The following NBEA variants were observed in gnomAD, a reference collection of about 807,000 sequenced individuals.
NBEA encodes the protein neurobeachin.
Under a neutral mutation model 343.4 loss-of-function variants are expected in NBEA, and 44 were observed. The ratio of observed to expected loss-of-function variants is 0.13; its 90% confidence interval spans 0.10 to 0.16. The LOEUF (loss-of-function observed/expected upper bound fraction) is 0.16. NBEA is among the 10% of genes least tolerant of loss of function. NBEA has a pLI of 1.00. For synonymous variants in NBEA, 1,175 were observed against 1,238.7 expected, an observed-to-expected ratio of 0.95 and a Z score of 1.08; for missense variants, 2,555 against 3,631.3, an observed-to-expected ratio of 0.70 and a Z score of 7.62.
chr13:35,042,620 A>C (rs1344702648), intron 2 of NBEA, among the ~76,000 whole-genome samples: 2 of 151,854 alleles, frequency 1.3e-5, no homozygotes, highest in African/African-American at 4.8e-5. Context: ...ATAGAAGTTC[A>C]TATCTTGACA....
At chr13:35,357,130 A>G (rs534316793) in intron 38 of NBEA, among the ~76,000 whole-genome samples, 1 of 152,224 alleles carries the variant, frequency 6.6e-6, no homozygotes, top group South Asian at 2.1e-4. Context: ...GAAAATTTCC[A>G]TACACATGTA....
chr13:35,077,095 T>C (rs1249687930), intron 10 of NBEA, among the ~76,000 whole-genome samples: 1 of 152,040 alleles, frequency 6.6e-6, no homozygotes, highest in African/African-American at 2.4e-5. Flanking sequence ...GACCATAACA[T>C]GTAATGAATG....
chr13:35,412,874 A>G (rs1330736951), intron 38 of NBEA, among the ~76,000 whole-genome samples: 1 of 152,172 alleles, frequency 6.6e-6, no homozygotes, highest in Non-Finnish European at 1.5e-5. Context: ...GATCTTGGGC[A>G]CATTACTTAA....
intron 36 of NBEA, among the ~76,000 whole-genome samples, chr13:35,335,881 T>G (rs950722464): frequency 6.6e-6 from 1 of 152,038 alleles, no homozygotes; most frequent in Non-Finnish European, 1.5e-5. Context: ...GGGGGCTACA[T>G]GCATCCTCTG....
chr13:35,221,342 CA>C (rs35904333), intron 33 of NBEA, among the ~76,000 whole-genome samples: 24 of 137,652 alleles, frequency 1.7e-4, no homozygotes, highest in South Asian at 2.3e-4. Flanking sequence ...GACACTATTT[CA>C]AAAAAAAAAA....
chr13:35,167,955 A>G (rs1257697871), intron 24 of NBEA, among the ~76,000 whole-genome samples: 1 of 151,866 alleles, frequency 6.6e-6, no homozygotes, highest in African/African-American at 2.4e-5. Context: ...GAAAAATAGT[A>G]GAGACTGACA....
intron 11 of NBEA, among the ~76,000 whole-genome samples, chr13:35,098,968 C>T (rs1376252687): frequency 1.3e-5 from 2 of 151,430 alleles, no homozygotes; most frequent in Admixed American, 6.6e-5. Context: ...TTGGAACTAT[C>T]GCGTCAGGAT....
intron 17 of NBEA, among the ~76,000 whole-genome samples, chr13:35,137,385 G>A (rs1248879732): frequency 1.3e-5 from 2 of 151,628 alleles, no homozygotes; most frequent in African/African-American, 2.4e-5. Context: ...AGGAGGCGGA[G>A]CTTGCAGTAA....
chr13:35,279,721 G>A (rs747518800), intron 34 of NBEA, among the ~76,000 whole-genome samples: 5 of 152,074 alleles, frequency 3.3e-5, no homozygotes, highest in Admixed American at 6.6e-5. Context: ...TGTCAACTTT[G>A]ACCATCAGTC....
intron 38 of NBEA, among the ~76,000 whole-genome samples, chr13:35,414,476 T>C (rs1158703571): frequency 1.3e-5 from 2 of 151,476 alleles, no homozygotes; most frequent in Non-Finnish European, 1.5e-5. Context: ...TGAGAACATG[T>C]GGTGGTTGGT....
At chr13:34,998,721 C>T (rs1434812436) in intron 1 of NBEA, among the ~76,000 whole-genome samples, 1 of 152,134 alleles carries the variant, frequency 6.6e-6, no homozygotes, top group Non-Finnish European at 1.5e-5. Flanking sequence ...TTATCCTGTT[C>T]TTTTTTTCAA....
At chr13:35,067,460 T>A (rs2063696515) in intron 8 of NBEA, among the ~76,000 whole-genome samples, 1 of 152,188 alleles carries the variant, frequency 6.6e-6, no homozygotes. Flanking sequence ...GTAATTTACA[T>A]GCCATACAAA....
chr13:35,417,250 G>A (rs754266120), intron 38 of NBEA, among the ~76,000 whole-genome samples: 15 of 152,018 alleles, frequency 9.9e-5, no homozygotes, highest in South Asian at 6.2e-4. Flanking sequence ...GTTCTGCTCT[G>A]ATCTTAGTTA....
chr13:35,152,156 C>A (rs2068830954), intron 18 of NBEA, among the ~76,000 whole-genome samples: 1 of 152,090 alleles, frequency 6.6e-6, no homozygotes, highest in South Asian at 2.1e-4. Context: ...GAGCTTTGTT[C>A]CTTATAGTAA....
At chr13:35,058,119 C>T (rs1227949195) in intron 7 of NBEA, among the ~76,000 whole-genome samples, 1 of 149,466 alleles carries the variant, frequency 6.7e-6, no homozygotes, top group East Asian at 1.9e-4. Flanking sequence ...TGCTGAATTC[C>T]TCTTGTGGAG....
chr13:35,223,748 C>A lies in NBEA; in HGVS notation c.5649-8744C>A, dbSNP rs181943883. 3.9e-5 allele frequency among the ~76,000 whole-genome samples: 6 copies of A among 152,212 alleles called. No individual in the cohort carries two copies. The East Asian group carries it at 1.2e-3, about 29-fold the overall frequency. ...TCTGGTATGTCTCTGTGTTAGTTTT[C>A]TATTGCTAGAATAACACGTTGCCAC... On this transcript the variant is annotated intron_variant, in intron 33 of 58. Transcript: ENST00000379939.
chr13:35,411,683 A>T (rs1423007453), intron 38 of NBEA, among the ~76,000 whole-genome samples: 1 of 151,376 alleles, frequency 6.6e-6, no homozygotes, highest in South Asian at 2.1e-4. Flanking sequence ...GTTTTTGTAG[A>T]TAAAGGGTCA....
At chr13:35,115,454 A>G (rs1398045539) in intron 13 of NBEA, among the ~76,000 whole-genome samples, 1 of 152,124 alleles carries the variant, frequency 6.6e-6, no homozygotes, top group Non-Finnish European at 1.5e-5. Flanking sequence ...ACTCCCTGTC[A>G]TAGAAATAAC....
chr13:35,453,043 G>A (rs1436331173), intron 40 of NBEA, among the ~76,000 whole-genome samples: 1 of 152,180 alleles, frequency 6.6e-6, no homozygotes, highest in Non-Finnish European at 1.5e-5. Flanking sequence ...CCCACACAAG[G>A]TTGAGGTGGC....
Sources: allele counts gnomAD v4.1 joint callset (sites outside exome capture counted in the v4.1 genomes callset), GRCh38; gene constraint gnomAD v4.1.1; transcripts MANE v1.5; gene names NCBI Gene and HGNC (gene_info 2026-07-23, HGNC 2026-07-21).